Variants in TENM2 observed in about 807,000 individuals in gnomAD.
TENM2 encodes teneurin transmembrane protein 2.
Under a neutral mutation model 245.2 loss-of-function variants are expected in TENM2, and 52 were observed. The observed-to-expected ratio is 0.21, with a 90% CI of 0.17 to 0.27. TENM2 has a LOEUF of 0.27. TENM2 is among the 10% of genes least tolerant of loss of function. The pLI is 1.00. For synonymous variants in TENM2, 1,363 were observed against 1,438.9 expected (o/e 0.95, Z 1.19); for missense variants, 3,046 against 3,666.8 (o/e 0.83, Z 4.37).
chr5:167,868,972 C>G (rs1005066504), intron 2 of TENM2, among the ~76,000 whole-genome samples: 1 of 152,150 alleles, frequency 6.6e-6, no homozygotes, highest in Admixed American at 6.5e-5. Context: ...CATCTCCACT[C>G]TTCACAACAA....
At chr5:167,462,069 T>TTACCTGCACATACATACA (rs1280259303) in intron 2 of TENM2, among the ~76,000 whole-genome samples, 28 of 152,158 alleles carry the variant, frequency 1.8e-4, no homozygotes, top group African/African-American at 6.7e-4. Flanking sequence ...TTGATCAGTT[T>TTACCTGCACATACATACA]TACATGCACA....
chr5:167,693,362 C>A (rs966153666), intron 2 of TENM2, among the ~76,000 whole-genome samples: 9 of 152,162 alleles, frequency 5.9e-5, no homozygotes, highest in African/African-American at 2.2e-4. Flanking sequence ...CTCCAAATTT[C>A]ATTTGACACT....
At chr5:168,249,809 T>C (rs573332029) in intron 27 of TENM2, among the ~76,000 whole-genome samples, 104 of 151,984 alleles carry the variant, frequency 6.8e-4, no homozygotes, top group Non-Finnish European at 1.2e-3. Flanking sequence ...GAGTGAGCTA[T>C]GATCATGACA....
the TENM2 span, among the ~76,000 whole-genome samples, chr5:167,245,099 A>G: frequency 4.3e-4 from 65 of 152,130 alleles, no homozygotes; most frequent in Non-Finnish European, 6.8e-4. Flanking sequence ...GCTGGTTTCC[A>G]TGGTTTCTTC....
At chr5:168,062,098 G>A (rs1177296963) in exon 7 of TENM2, 7 of 1,612,322 alleles carry the variant, frequency 4.3e-6, no homozygotes, top group African/African-American at 2.7e-5. Flanking sequence ...AGACAGTGGT[G>A]AAGCAGAAGT....
At chr5:168,154,162 A>AAAAC in intron 12 of TENM2, among the ~76,000 whole-genome samples, 1 of 150,384 alleles carries the variant, frequency 6.6e-6, no homozygotes, top group African/African-American at 2.4e-5. Context: ...AAAAAAAAAA[A>AAAAC]AAAACAGTAA....
chr5:167,603,755 C>A (rs1262237846), intron 2 of TENM2, among the ~76,000 whole-genome samples: 2 of 152,190 alleles, frequency 1.3e-5, no homozygotes, highest in Admixed American at 1.3e-4. Context: ...GTTGAACTTT[C>A]TCATCAGTGA....
chr5:168,258,712 T>C (rs1167281652), intron 27 of TENM2, among the ~76,000 whole-genome samples: 1 of 152,022 alleles, frequency 6.6e-6, no homozygotes, highest in East Asian at 1.9e-4. Flanking sequence ...AGAAAGCAGT[T>C]TGTGGGAGGG....
chr5:167,637,227 A>G (rs1779259163), intron 2 of TENM2, among the ~76,000 whole-genome samples: 1 of 152,192 alleles, frequency 6.6e-6, no homozygotes, highest in South Asian at 2.1e-4. Flanking sequence ...ACAAGAAATA[A>G]TATGCTAGTA....
intron 2 of TENM2, among the ~76,000 whole-genome samples, chr5:167,387,660 T>G (rs1761519516): frequency 6.6e-6 from 1 of 152,152 alleles, no homozygotes; most frequent in South Asian, 2.1e-4. Flanking sequence ...GGGTTTGTCA[T>G]AGGTGGCTTT....
At chr5:167,485,319 CAG>C (rs1470426890) in intron 2 of TENM2, among the ~76,000 whole-genome samples, 1 of 152,168 alleles carries the variant, frequency 6.6e-6, no homozygotes, top group African/African-American at 2.4e-5. Context: ...AACATAAAAA[CAG>C]ACTACAAAAA....
chr5:167,070,107 A>ATATTTATTTCTTTATTTATTTATT, the TENM2 span, among the ~76,000 whole-genome samples: 1 of 54,962 alleles, frequency 1.8e-5, no homozygotes, highest in Non-Finnish European at 4.5e-5. Context: ...CATTTGACAA[A>ATATTTATTTCTTTATTTATTTATT]TATTTATTTA....
At chr5:167,450,778 C>G (rs1252993527) in intron 2 of TENM2, among the ~76,000 whole-genome samples, 1 of 152,100 alleles carries the variant, frequency 6.6e-6, no homozygotes, top group Non-Finnish European at 1.5e-5. Flanking sequence ...TCAGCATTAG[C>G]TCAGTTTAGT....
chr5:167,444,750 G>A (rs764605112), intron 2 of TENM2, among the ~76,000 whole-genome samples: 10 of 152,102 alleles, frequency 6.6e-5, no homozygotes, highest in Non-Finnish European at 1.2e-4. Flanking sequence ...TGTAGCCTAC[G>A]TACCTGGCAC....
At chr5:168,260,214 C>CT in intron 27 of TENM2, 69 bp from the exon 30 acceptor site, 1 of 1,574,640 alleles carries the variant, frequency 6.4e-7, no homozygotes, top group South Asian at 1.1e-5. Context: ...TTTGTTCTCT[C>CT]TTTAAGCTCT....
intron 3 of TENM2, among the ~76,000 whole-genome samples, chr5:167,932,879 C>G (rs529847200): frequency 6.6e-6 from 1 of 152,282 alleles, no homozygotes; most frequent in South Asian, 2.1e-4. Flanking sequence ...CAAGTGTCTC[C>G]TGTCTTCCCC....
the TENM2 span, among the ~76,000 whole-genome samples, chr5:167,130,910 TTTAAAAA>T: frequency 6.7e-5 from 10 of 148,772 alleles, no homozygotes; most frequent in African/African-American, 2.5e-4. Flanking sequence ...TTTTTTTTTT[TTTAAAAA>T]AAAAAAAGAA....
At chr5:167,869,763 A>G (rs780457809) in intron 2 of TENM2, among the ~76,000 whole-genome samples, 9 of 152,210 alleles carry the variant, frequency 5.9e-5, no homozygotes, top group Non-Finnish European at 1.0e-4. Context: ...ATGCAGAACT[A>G]CACAGACCTT....
At chr5:167,376,233 G>A (rs577429441) in intron 2 of TENM2, among the ~76,000 whole-genome samples, 46 of 152,292 alleles carry the variant, frequency 3.0e-4, no homozygotes, top group South Asian at 8.3e-4. Context: ...ATTCCGAAGT[G>A]TGTTTAGTCA....
Sources: allele counts gnomAD v4.1 joint callset (sites outside exome capture counted in the v4.1 genomes callset), GRCh38; gene constraint gnomAD v4.1.1; transcripts MANE v1.5; gene names NCBI Gene and HGNC (gene_info 2026-07-23, HGNC 2026-07-21).